The following RHOBTB3 variants were observed in gnomAD, a reference collection of about 807,000 sequenced individuals.
RHOBTB3 encodes the protein rho-related BTB domain-containing protein 3.
In RHOBTB3, 47 loss-of-function variants were observed where a neutral mutation model predicts 67.2. The observed-to-expected ratio is 0.70, with a 90% CI of 0.55 to 0.89. RHOBTB3 has a LOEUF of 0.89. Ranked by LOEUF, RHOBTB3 falls within the 40% of genes least tolerant of loss-of-function variation. The pLI is 0.00. For missense variants in RHOBTB3, 631 were observed against 750.0 expected (o/e 0.84, Z 1.85); for synonymous variants, 273 against 274.2 (o/e 1.00, Z 0.04).
intron 9 of RHOBTB3, among the ~76,000 whole-genome samples, chr5:95,783,292 T>C (rs2112833537): frequency 6.6e-6 from 1 of 151,806 alleles, no homozygotes; most frequent in East Asian, 1.9e-4. Flanking sequence ...TGGCTAATTT[T>C]TTTTTATTTT....
At chr5:95,767,598 C>T (rs144270512) in intron 7 of RHOBTB3, among the ~76,000 whole-genome samples, 43 of 152,144 alleles carry the variant, frequency 2.8e-4, no homozygotes, top group African/African-American at 9.4e-4. Flanking sequence ...CTCCAAAGTG[C>T]GGGATTATAG....
chr5:95,722,741 C>T (rs1754926156), intron 1 of RHOBTB3, among the ~76,000 whole-genome samples: 1 of 152,184 alleles, frequency 6.6e-6, no homozygotes, highest in South Asian at 2.1e-4. Context: ...CCTCGGCTTC[C>T]CAAAGTGCTG....
chr5:95,741,698 T>C (rs1330242082), intron 3 of RHOBTB3, among the ~76,000 whole-genome samples: 1 of 151,912 alleles, frequency 6.6e-6, no homozygotes, highest in Non-Finnish European at 1.5e-5. Flanking sequence ...CCCAGTGGGT[T>C]TGGGGGGAGG....
chr5:95,770,632 G>C, intron 8 of RHOBTB3: 1 of 491,390 alleles, frequency 2.0e-6, no homozygotes. Context: ...TACAGCAGAA[G>C]TCACAGAAAT....
intron 3 of RHOBTB3, among the ~76,000 whole-genome samples, chr5:95,741,502 C>CTTTTT (rs5869688): frequency 8.0e-6 from 1 of 125,178 alleles, no homozygotes; most frequent in Non-Finnish European, 1.6e-5. Flanking sequence ...TCTCAATTCT[C>CTTTTT]TTTTTTTTTT....
At chr5:95,781,433 C>T (rs895908002) in intron 9 of RHOBTB3, 2 of 152,232 alleles carry the variant, frequency 1.3e-5, no homozygotes, top group Non-Finnish European at 2.9e-5. Flanking sequence ...GTCATGAGCC[C>T]TCTAGTGAAA....
Position 95,793,111 on chromosome 5 carries a change from G to A in RHOBTB3, c.1773G>A (p.Leu591=). The A allele has an allele frequency of 6.2e-7, 1 of 1,613,608 alleles. No homozygotes were observed. The highest frequency in any genetic ancestry group is 8.5e-7 in the Non-Finnish European group (1 of 1,179,810). Residue 591 remains leucine (L), a synonymous_variant, in exon 12 of 12, where the codon TTG becomes TTA. Transcript: ENST00000379982. ...EKHRWPSNMY[L]KQLAEYRKYI... is the part of the protein sequence containing the mutation. ...ACAGATGGCCGTCGAATATGTACTT[G>A]AAGCAGCTTGCGGAATACAGGAAGT...
At chr5:95,779,355 A>G (rs1332372281) in intron 8 of RHOBTB3, among the ~76,000 whole-genome samples, 1 of 152,032 alleles carries the variant, frequency 6.6e-6, no homozygotes, top group Non-Finnish European at 1.5e-5. Context: ...AATGATTGGC[A>G]CATGCTGATT....
chr5:95,733,296 T>A (rs1034935983), intron 2 of RHOBTB3, among the ~76,000 whole-genome samples: 1 of 152,220 alleles, frequency 6.6e-6, no homozygotes, highest in Non-Finnish European at 1.5e-5. Context: ...GGTCAGAGTC[T>A]ATGCAGGCAA....
intron 1 of RHOBTB3, among the ~76,000 whole-genome samples, chr5:95,725,149 C>T (rs867680123): frequency 6.6e-6 from 1 of 152,142 alleles, no homozygotes; most frequent in Non-Finnish European, 1.5e-5. Context: ...GAATAGCCCA[C>T]GAGTGTATCT....
In RHOBTB3 at chr5:95,755,681, G is replaced by C; in HGVS notation, c.968G>C (p.Gly323Ala). 1 of 1,614,064 alleles carries C rather than the reference G, an allele frequency of 6.2e-7. No homozygotes were observed. The stretch of plus-strand genomic sequence containing the variant: ...CCAGGTGCTAGCCATGAATCTTCAG[G>C]CAACCCACCATTACGAGTCATTGTT... The part of the protein sequence containing the change: ...AFPGASHESS[G>A]NPPLRVIVKD... Residue 323 changes from glycine to alanine, a missense_variant, in exon 6 of 12, where the codon GGC (glycine) becomes GCC (alanine). By Grantham distance (60) the Gly-to-Ala change is moderately conservative. Transcript: ENST00000379982.
intron 5 of RHOBTB3, among the ~76,000 whole-genome samples, chr5:95,753,420 G>T (rs553923471): frequency 4.6e-5 from 7 of 151,972 alleles, no homozygotes; most frequent in Non-Finnish European, 5.9e-5. Context: ...AAAGTTCAGG[G>T]CAAATAAACT....
At chr5:95,753,882 G>C (rs1026332794) in intron 5 of RHOBTB3, among the ~76,000 whole-genome samples, 3 of 152,146 alleles carry the variant, frequency 2.0e-5, no homozygotes, top group African/African-American at 7.2e-5. Flanking sequence ...GGCCAAGGTG[G>C]GCAGATCACC....
chr5:95,736,773 G>T, intron 2 of RHOBTB3, 116 bp from the exon 3 acceptor site: 2 of 653,592 alleles, frequency 3.1e-6, no homozygotes, highest in Non-Finnish European at 2.5e-6. Flanking sequence ...TTAATTTCAA[G>T]TAGTTACTTA....
chr5:95,770,927 T>C (rs1580419713), intron 8 of RHOBTB3, among the ~76,000 whole-genome samples: 1 of 151,962 alleles, frequency 6.6e-6, no homozygotes, highest in African/African-American at 2.4e-5. Flanking sequence ...ATTTATTTTG[T>C]ATTTTTGAAA....
chr5:95,760,955 G>A (rs532442066), intron 6 of RHOBTB3, among the ~76,000 whole-genome samples: 1 of 152,296 alleles, frequency 6.6e-6, no homozygotes, highest in Admixed American at 6.5e-5. Context: ...TATGAAAACA[G>A]CCCAATCAGC....
chr5:95,779,776 C>T (rs142633282), intron 8 of RHOBTB3, among the ~76,000 whole-genome samples: 17 of 152,196 alleles, frequency 1.1e-4, no homozygotes, highest in Non-Finnish European at 1.6e-4. Context: ...CTGTGGTGTA[C>T]GGACAGCTTA....
chr5:95,771,959 T>TA (rs34660146), intron 8 of RHOBTB3, among the ~76,000 whole-genome samples: 76,739 of 151,440 alleles, frequency 0.51, 20,097 homozygotes, highest in Admixed American at 0.6. Flanking sequence ...AATTAGCTTT[T>TA]AAAAAAAAAG....
rs1755237721 is a variant in RHOBTB3 at position 95,731,378 on chromosome 5, G to A, written c.-305G>A. ...GCCAGCCGAGGAGGCGCGGCGGAGAGGGGACTGCGGTCAGCTGCGTCCACT... is the reference window on the plus strand; with the variant it reads ...GCCAGCCGAGGAGGCGCGGCGGAGAAGGGACTGCGGTCAGCTGCGTCCACT... On this transcript the variant is annotated 5_prime_UTR_variant, in exon 1 of 12. Transcript: ENST00000379982. 1.7e-6 allele frequency: 2 copies of A among 1,159,430 alleles called. No homozygotes were observed. The highest frequency in any genetic ancestry group is 2.1e-6 in the Non-Finnish European group (2 of 944,566). 71.8% of individuals were successfully genotyped at this position (1,159,430 alleles called of 1,614,324 possible).
Sources: gnomAD v4.1 joint callset for allele counts (sites outside exome capture counted in the v4.1 genomes callset) on GRCh38, gnomAD v4.1.1 for gene constraint, MANE v1.5 for transcripts, NCBI Gene and HGNC (gene_info 2026-07-23, HGNC 2026-07-21) for gene names.